THAP9: variants seen among roughly 807,000 people sequenced by gnomAD.
THAP9 encodes DNA transposase THAP9.
A neutral mutation model predicts 35.7 loss-of-function variants in THAP9; 20 were observed. The observed-to-expected ratio is 0.56, with a 90% CI of 0.39 to 0.81. The LOEUF is 0.81. THAP9 is among the 40% of genes least tolerant of loss of function. The pLI, the probability that THAP9 is intolerant of heterozygous loss-of-function variation, is 0.00. For missense variants in THAP9, 870 were observed against 1,047.4 expected (o/e 0.83, Z 2.34); for synonymous variants, 335 against 373.7 (o/e 0.90, Z 1.19).
Position 82,918,135 on chromosome 4 carries a change from G to T in THAP9, c.1923G>T (p.Leu641Phe). The T allele has an allele frequency of 6.2e-7, 1 of 1,614,096 alleles. No homozygotes were observed. The highest frequency in any genetic ancestry group is 1.1e-5 in the South Asian group (1 of 91,072). Reference sequence around the variant, plus strand: ...CATTCCAGAAAGCTTACTATAATTTGGAGACCAGATACAAATTTCAAGATG... The same window carrying T: ...CATTCCAGAAAGCTTACTATAATTTTGAGACCAGATACAAATTTCAAGATG... Reference protein sequence around the residue: ...CMAFQKAYYNLETRYKFQDEV... With the variant: ...CMAFQKAYYNFETRYKFQDEV... The change falls in exon 5 of 5, where the codon TTG becomes TTT. Residue 641 changes from leucine to phenylalanine, a missense_variant. This residue lies in a region of THAP9 where 414 missense variants were observed against 500.8 expected (regional missense o/e 0.83). Coordinates refer to ENST00000302236, the MANE Select transcript of THAP9 (RefSeq NM_024672.6).
At position 82,919,378 on chromosome 4, in the gene THAP9, A is replaced by G. The variant is rs1273356827; in HGVS notation, c.*454A>G. 6.6e-6 allele frequency: 1 copy of G among 152,448 alleles called. No individual in the cohort carries two copies. Among genetic ancestry groups the G allele is most frequent in the Non-Finnish European group, 1.5e-5 (1 of 68,222 alleles). 9.4% of individuals were successfully genotyped at this position (152,448 alleles called of 1,614,324 possible). The stretch of plus-strand genomic sequence containing the variant: ...CTATAAAACTTTGAAGATAACTTTT[A>G]CTTAAATATGAAAATTATAGTTTGA... On this transcript the variant is annotated 3_prime_UTR_variant, in exon 5 of 5. Coordinates refer to ENST00000302236, the MANE Select transcript of THAP9 (RefSeq NM_024672.6).
rs1430508221 is a variant in THAP9 at position 82,916,982 on chromosome 4, G to T, written c.770G>T (p.Ser257Ile). ...SKCQPSPGFN[S>I]NIFSFLQRRV... ...TGCCAACCCAGTCCAGGTTTCAACAGCAACATTTTTTCTTTTCTTCAACGA... is the reference window on the plus strand; with the variant it reads ...TGCCAACCCAGTCCAGGTTTCAACATCAACATTTTTTCTTTTCTTCAACGA... The change falls in exon 5 of 5, where the codon AGC becomes ATC. Residue 257 changes from serine to isoleucine, a missense_variant. By Grantham distance (142) the Ser-to-Ile change is moderately radical (BLOSUM62 -2). This residue lies in a region of THAP9 where 440 missense variants were observed against 501.2 expected (regional missense o/e 0.88). Coordinates refer to ENST00000302236, the MANE Select transcript of THAP9 (RefSeq NM_024672.6). 1.3e-6 allele frequency: 2 copies of T among 1,545,526 alleles called. No homozygotes were observed. The highest frequency in any genetic ancestry group is 1.4e-5 in the African/African-American group (1 of 72,478).
At chr4:82,908,784 C>T (rs548921648) in intron 4 of THAP9, among the ~76,000 whole-genome samples, 61 of 152,126 alleles carry the variant, frequency 4.0e-4, no homozygotes, top group South Asian at 1.9e-3. Context: ...TTAGTAGAGA[C>T]GGGATTTTGC....
intron 3 of THAP9, 98 bp downstream of exon 3, chr4:82,906,725 T>C: frequency 1.6e-6 from 2 of 1,223,982 alleles, no homozygotes; most frequent in Non-Finnish European, 2.2e-6. Context: ...AAACATGCTT[T>C]CAGTTGGGAA....
intron 1 of THAP9, chr4:82,903,690 T>G (rs1025397290): frequency 6.6e-6 from 1 of 152,572 alleles, no homozygotes; most frequent in African/African-American, 2.4e-5. Context: ...CAAAATTCAG[T>G]ATAAACATTT....
chr4:82,916,406 G>A (rs1180856154), intron 4 of THAP9, among the ~76,000 whole-genome samples: 1 of 152,196 alleles, frequency 6.6e-6, no homozygotes, highest in Non-Finnish European at 1.5e-5. Context: ...CTTTAAGGGT[G>A]TAATTTTGAG....
At chr4:82,915,976 G>A (rs1258781147) in intron 4 of THAP9, among the ~76,000 whole-genome samples, 2 of 152,174 alleles carry the variant, frequency 1.3e-5, no homozygotes, top group Non-Finnish European at 2.9e-5. Flanking sequence ...CTTCTAGGTA[G>A]CACCTAAAAT....
chr4:82,901,145 C>T (rs1013970073), intron 1 of THAP9: 1 of 675,272 alleles, frequency 1.5e-6, no homozygotes, highest in East Asian at 2.8e-5. Flanking sequence ...AAGGAGTCCT[C>T]CATTAATTGG....
Position 82,912,584 on chromosome 4 carries a change from A to G in THAP9, c.732-4360A>G, listed in dbSNP as rs116494181. On this transcript the variant is annotated intron_variant, in intron 4 of 4. Transcript: ENST00000302236. ...AGAGTATAAATGAAAATTGCTTTGA[A>G]CTTTCGCAAGGACAGTTTGGGAATA... Among the ~76,000 whole-genome samples, 1,097 of 152,326 alleles carry G rather than the reference A, an allele frequency of 7.2e-3. 16 individuals are homozygous for G. The highest frequency in any genetic ancestry group is 0.01 in the Middle Eastern group (3 of 294).
intron 3 of THAP9, among the ~76,000 whole-genome samples, chr4:82,907,345 A>C (rs1578447445): frequency 8.2e-6 from 1 of 122,394 alleles, no homozygotes; most frequent in African/African-American, 2.5e-5. Flanking sequence ...CCCCACCAGG[A>C]ACAGAATTTT....
intron 3 of THAP9, among the ~76,000 whole-genome samples, chr4:82,907,047 C>T (rs1262380117): frequency 1.3e-5 from 2 of 152,182 alleles, no homozygotes; most frequent in East Asian, 3.9e-4. Flanking sequence ...TGCAGAATTT[C>T]TTTGAGCTTG....
intron 2 of THAP9, among the ~76,000 whole-genome samples, 172 bp downstream of exon 2, chr4:82,905,103 T>C (rs980688520): frequency 1.3e-5 from 2 of 152,068 alleles, no homozygotes. Flanking sequence ...TATTAGCATT[T>C]GTTCTGGAGC....
Position 82,918,493 on chromosome 4 carries a change from T to G in THAP9, c.2281T>G (p.Leu761Val). Reference sequence around the variant, plus strand: ...ATTATTTGTTAAAAAGAAGAATGGTTTGCATTTTCCTTCAGAAAGTCTGTG... The same window carrying G: ...ATTATTTGTTAAAAAGAAGAATGGTGTGCATTTTCCTTCAGAAAGTCTGTG... ...SLLFVKKKNGLHFPSESLCRV... is the reference protein window; with the variant it reads ...SLLFVKKKNGVHFPSESLCRV... Residue 761 changes from leucine (L) to valine (V), a missense_variant, in exon 5 of 5, where the codon TTG becomes GTG. Physicochemically the swap from Leu to Val is conservative, Grantham distance 32. Transcript: ENST00000302236. 2 of 1,614,210 alleles carry G rather than the reference T, an allele frequency of 1.2e-6. No individual in the cohort carries two copies. The highest frequency in any genetic ancestry group is 3.3e-4 in the Middle Eastern group (2 of 6,062).
chr4:82,908,493 C>G (rs564666733), intron 4 of THAP9, among the ~76,000 whole-genome samples: 69 of 152,340 alleles, frequency 4.5e-4, no homozygotes, highest in Admixed American at 7.2e-4. Context: ...ATATAATTCT[C>G]TTAGTGTGCA....
intron 4 of THAP9, among the ~76,000 whole-genome samples, chr4:82,909,780 A>G (rs550469553): frequency 1.2e-4 from 18 of 152,296 alleles, no homozygotes; most frequent in Non-Finnish European, 2.2e-4. Flanking sequence ...TTGCTAAGCA[A>G]GAGAGTTTTA....
chr4:82,906,324 A>AT lies in THAP9; in HGVS notation c.279dup (p.Pro94SerfsTer7), dbSNP rs1560693165. On this transcript the variant is annotated frameshift_variant and splice_region_variant, in exon 3 of 5. Transcript: ENST00000302236. LOFTEE classifies it high-confidence loss of function. ...CTTTAATTTTATATATCTGTCATAG[A>AT]TTCCTCAAGGTGTACATCTTAAAGG... The AT allele has an allele frequency of 6.4e-7, 1 of 1,568,772 alleles. No individual in the cohort carries two copies. Among genetic ancestry groups the AT allele is most frequent in the Non-Finnish European group, 8.6e-7 (1 of 1,160,446 alleles).
intron 2 of THAP9, 70 bp downstream of exon 2, chr4:82,905,001 AT>A: frequency 7.0e-7 from 1 of 1,436,532 alleles, no homozygotes; most frequent in South Asian, 1.3e-5. Flanking sequence ...GATAGCCCCC[AT>A]TATAGCTAGA....
chr4:82,916,572 T>C (rs756419222), intron 4 of THAP9, among the ~76,000 whole-genome samples: 2 of 152,234 alleles, frequency 1.3e-5, no homozygotes, highest in Non-Finnish European at 2.9e-5. Context: ...GTACTAGATG[T>C]TCTCAAAGAT....
In THAP9 at chr4:82,919,259, C is replaced by T. The variant is rs1721156441; in HGVS notation, c.*335C>T. ...TCTGCTTCAAAAACAAGAAAAACAA[C>T]AACTATGAGTTATCAAAATATTGAC... On this transcript the variant is annotated 3_prime_UTR_variant, in exon 5 of 5. Transcript: ENST00000302236. 1 of 172,276 alleles carries T rather than the reference C, an allele frequency of 5.8e-6. No individual in the cohort carries two copies. The highest frequency in any genetic ancestry group is 2.4e-5 in the African/African-American group (1 of 42,082). The allele number at this position is 172,276 out of a possible 1,614,324, so 10.7% of individuals were successfully genotyped here.
Sources: gnomAD v4.1 joint callset for allele counts (sites outside exome capture counted in the v4.1 genomes callset) on GRCh38, gnomAD v4.1.1 for gene constraint, gnomAD v4.1.1 regional missense constraint, MANE v1.5 for transcripts, NCBI Gene and HGNC (gene_info 2026-07-23, HGNC 2026-07-21) for gene names.